CREB5: variants seen among roughly 807,000 people sequenced by gnomAD.
The protein encoded by CREB5 is cyclic AMP-responsive element-binding protein 5.
CREB5 carries 19 observed loss-of-function variants against 57.1 expected under a neutral mutation model. The observed-to-expected ratio is 0.33, with a 90% CI of 0.23 to 0.49. The LOEUF is 0.49. Ranked by LOEUF, CREB5 falls within the 20% of genes least tolerant of loss-of-function variation. The probability of loss-of-function intolerance (pLI) is 0.99; values close to 1 mark genes in which losing one functional copy is unlikely to be tolerated. For missense variants in CREB5, 579 were observed against 671.6 expected, an observed-to-expected ratio of 0.86 and a Z score of 1.52; for synonymous variants, 238 against 238.3, an observed-to-expected ratio of 1.00 and a Z score of 0.01.
intron 8 of CREB5, among the ~76,000 whole-genome samples, chr7:28,806,099 G>A (rs982191051): frequency 3.9e-5 from 6 of 152,058 alleles, no homozygotes; most frequent in Non-Finnish European, 8.8e-5. Flanking sequence ...AGGTTTGGTT[G>A]CCTTTATGGG....
In CREB5 at chr7:28,499,856, T is replaced by C. The variant is rs148669525; in HGVS notation, c.169+4857T>C. Among the ~76,000 whole-genome samples, 877 of 152,358 alleles carry C rather than the reference T, an allele frequency of 5.8e-3. 8 individuals are homozygous for C. The highest frequency in any genetic ancestry group is 0.02 in the African/African-American group (826 of 41,582). Reference sequence around the variant, plus strand: ...GCTTGGCCTCCCAAAGTGCTGGGATTACAGGCGTGAGCCACAGCACCCGGC... The same window carrying C: ...GCTTGGCCTCCCAAAGTGCTGGGATCACAGGCGTGAGCCACAGCACCCGGC... On this transcript the variant is annotated intron_variant, in intron 3 of 10. Transcript: ENST00000357727.
chr7:28,719,722 C>T (rs73075751), intron 6 of CREB5, among the ~76,000 whole-genome samples: 2,692 of 152,298 alleles, frequency 0.018, 50 homozygotes, highest in Admixed American at 0.067. Context: ...GGTAGTCCGA[C>T]TTCTGAGTCT....
intron 7 of CREB5, among the ~76,000 whole-genome samples, chr7:28,765,187 G>A (rs559960686): frequency 7.9e-5 from 12 of 152,234 alleles, no homozygotes; most frequent in Admixed American, 2.0e-4. Flanking sequence ...GTGATCATAC[G>A]TGTCATGATA....
At chr7:28,486,670 T>TTAAATATATATATATATATATATATA (rs1554331892) in intron 1 of CREB5, among the ~76,000 whole-genome samples, 34 of 89,142 alleles carry the variant, frequency 3.8e-4, no homozygotes, top group African/African-American at 1.2e-3. Flanking sequence ...TCCTATGATT[T>TTAAATATATATATATATATATATATA]TATATATATA....
chr7:28,399,191 T>C (rs1314746901), intron 1 of CREB5, among the ~76,000 whole-genome samples: 1 of 151,602 alleles, frequency 6.6e-6, no homozygotes. Context: ...AGTATTGACA[T>C]CATAACAAAA....
At chr7:28,369,147 C>G in intron 1 of CREB5, among the ~76,000 whole-genome samples, 1 of 152,340 alleles carries the variant, frequency 6.6e-6, no homozygotes, top group East Asian at 1.9e-4. Flanking sequence ...TGTTATTTAT[C>G]TCTGTATACC....
chr7:28,708,937 C>T (rs1000633433), intron 5 of CREB5, among the ~76,000 whole-genome samples: 1 of 152,146 alleles, frequency 6.6e-6, no homozygotes, highest in African/African-American at 2.4e-5. Context: ...ATGTAAATGA[C>T]AAGACTCATA....
rs773138764 is a variant in CREB5 at position 28,488,220 on chromosome 7, G to A, written c.49G>A (p.Val17Ile). The A allele has an allele frequency of 6.2e-7, 1 of 1,613,926 alleles. No homozygotes were observed. The highest frequency in any genetic ancestry group is 8.5e-7 in the Non-Finnish European group (1 of 1,179,892). The change falls in exon 2 of 11, where the codon GTC (valine) becomes ATC (isoleucine). Residue 17 changes from valine to isoleucine, a missense_variant. Around this residue, in one of 3 missense-constraint regions of CREB5, gnomAD observed 459 missense variants for 515.7 expected, o/e 0.89. Transcript: ENST00000357727. ...KMNLEQERPF[V>I]CSAPGCSQRF... The stretch of plus-strand genomic sequence containing the variant: ...GAATTTGGAGCAGGAGAGGCCGTTT[G>A]TCTGCAGTGCCCCAGGCTGCTCCCA...
At chr7:28,563,691 A>T (rs1245222727) in intron 4 of CREB5, among the ~76,000 whole-genome samples, 1 of 152,158 alleles carries the variant, frequency 6.6e-6, no homozygotes, top group Non-Finnish European at 1.5e-5. Flanking sequence ...ATGCCTAGCT[A>T]ATTTTCTTAG....
At chr7:28,612,036 G>C (rs772210497) in intron 5 of CREB5, among the ~76,000 whole-genome samples, 1 of 152,172 alleles carries the variant, frequency 6.6e-6, no homozygotes, top group Admixed American at 6.5e-5. Context: ...CACGTAGTCA[G>C]CTCCAACCTA....
chr7:28,803,688 G>A (rs1294781840), intron 7 of CREB5, among the ~76,000 whole-genome samples: 4 of 150,736 alleles, frequency 2.7e-5, no homozygotes, highest in East Asian at 1.9e-4. Context: ...GCTGGGAGGC[G>A]GAGGTTGCAG....
chr7:28,710,169 T>A (rs1012527617), intron 5 of CREB5, among the ~76,000 whole-genome samples: 1 of 152,220 alleles, frequency 6.6e-6, no homozygotes. Flanking sequence ...ACACATTACC[T>A]TTTATGCTTT....
chr7:28,708,669 C>T (rs1317475747), intron 5 of CREB5, among the ~76,000 whole-genome samples: 2 of 152,244 alleles, frequency 1.3e-5, no homozygotes, highest in Non-Finnish European at 2.9e-5. Context: ...TGCAAAATTC[C>T]GTCATCTATT....
At chr7:28,389,442 G>T (rs952697547) in intron 1 of CREB5, among the ~76,000 whole-genome samples, 5 of 151,986 alleles carry the variant, frequency 3.3e-5, no homozygotes, top group African/African-American at 1.2e-4. Flanking sequence ...GTTTTATTTT[G>T]CTTTGTTCCA....
intron 1 of CREB5, among the ~76,000 whole-genome samples, chr7:28,398,640 G>A (rs1221081785): frequency 6.6e-6 from 1 of 152,178 alleles, no homozygotes; most frequent in African/African-American, 2.4e-5. Flanking sequence ...ATGCCCAGAT[G>A]TTGAAAAGTC....
At chr7:28,777,892 G>A (rs1806753133) in intron 7 of CREB5, among the ~76,000 whole-genome samples, 1 of 152,194 alleles carries the variant, frequency 6.6e-6, no homozygotes, top group African/African-American at 2.4e-5. Flanking sequence ...GTTACTCAGA[G>A]ACGACTATTG....
intron 1 of CREB5, among the ~76,000 whole-genome samples, chr7:28,311,268 C>A (rs1037762589): frequency 7.2e-5 from 11 of 152,136 alleles, no homozygotes; most frequent in African/African-American, 2.7e-4. Context: ...GGGTTGGCTT[C>A]CCATCTAAGG....
intron 5 of CREB5, among the ~76,000 whole-genome samples, chr7:28,652,579 C>T (rs968824346): frequency 3.3e-5 from 5 of 152,178 alleles, no homozygotes; most frequent in Non-Finnish European, 7.3e-5. Context: ...CCTCTACTTT[C>T]TTTGAGCCTT....
At chr7:28,359,393 T>C (rs1329654236) in intron 1 of CREB5, among the ~76,000 whole-genome samples, 1 of 152,176 alleles carries the variant, frequency 6.6e-6, no homozygotes, top group East Asian at 1.9e-4. Context: ...AAATAATCTG[T>C]GTGAAAGTAC....
Sources: allele counts gnomAD v4.1 joint callset (sites outside exome capture counted in the v4.1 genomes callset), GRCh38; gene constraint gnomAD v4.1.1; regional missense constraint gnomAD v4.1.1; transcripts MANE v1.5; gene names NCBI Gene and HGNC (gene_info 2026-07-23, HGNC 2026-07-21).